Variants in ADGRB3 observed in about 807,000 individuals in gnomAD.
ADGRB3 encodes brain-specific angiogenesis inhibitor 3.
ADGRB3 carries 37 observed loss-of-function variants against 193.4 expected under a neutral mutation model. That is an observed-to-expected ratio of 0.19 (90% CI 0.15 to 0.25). The LOEUF is 0.25. Ranked by LOEUF, ADGRB3 falls within the 10% of genes least tolerant of loss-of-function variation. ADGRB3 has a pLI of 1.00. For synonymous variants in ADGRB3, 690 were observed against 644.2 expected (o/e 1.07, Z -1.08); for missense variants, 1,637 against 1,852.9 (o/e 0.88, Z 2.14).
chr6:68,956,291 T>TA (rs2150256620), intron 7 of ADGRB3, 103 bp downstream of exon 7: 1 of 712,334 alleles, frequency 1.4e-6, no homozygotes, highest in Non-Finnish European at 2.1e-6. Flanking sequence ...AAGATAATCA[T>TA]TATATATATA....
intron 6 of ADGRB3, among the ~76,000 whole-genome samples, chr6:68,949,867 T>G (rs757019769): frequency 3.9e-5 from 6 of 152,096 alleles, no homozygotes; most frequent in Non-Finnish European, 8.8e-5. Context: ...ATTTAATATT[T>G]TTTTCTCATT....
chr6:68,869,014 T>C (rs1055733287), intron 3 of ADGRB3, among the ~76,000 whole-genome samples: 1 of 151,914 alleles, frequency 6.6e-6, no homozygotes, highest in African/African-American at 2.4e-5. Flanking sequence ...TTGTTGATGC[T>C]CCCTCAAAGC....
At chr6:69,294,987 C>T (rs560051981) in intron 20 of ADGRB3, among the ~76,000 whole-genome samples, 30 of 152,178 alleles carry the variant, frequency 2.0e-4, no homozygotes, top group African/African-American at 5.3e-4. Context: ...TATTTGGTGA[C>T]GTTCTGTCAT....
rs561754088 is a variant in ADGRB3, at chr6:68,636,010, G to C, written c.-188+10G>C. 1 of 152,756 alleles carries C rather than the reference G, an allele frequency of 6.5e-6. No individual in the cohort carries two copies. The highest frequency in any genetic ancestry group is 2.1e-4 in the South Asian group (1 of 4,804). 9.5% of individuals were successfully genotyped at this position (152,756 alleles called of 1,614,324 possible). A position where few individuals can be genotyped will look rare whatever the true frequency, so the allele number is the denominator to read the frequency against. On this transcript the variant is annotated intron_variant, in intron 1 of 31. Coordinates refer to ENST00000370598, the MANE Select transcript of ADGRB3 (RefSeq NM_001704.3). ...GCTTTCGGAGTGGAAGGTAAGGAAG[G>C]GGGTCCAGGGGTCACCTTTTCTCTG...
intron 11 of ADGRB3, among the ~76,000 whole-genome samples, chr6:69,008,266 C>G (rs12213405): frequency 3.3e-5 from 5 of 151,906 alleles, no homozygotes; most frequent in Non-Finnish European, 5.9e-5. Context: ...AAGTAACCCT[C>G]ATATGTCTTG....
chr6:68,968,030 G>T (rs1768435380), intron 8 of ADGRB3, among the ~76,000 whole-genome samples: 1 of 152,126 alleles, frequency 6.6e-6, no homozygotes, highest in African/African-American at 2.4e-5. Context: ...GAGCAAGGAA[G>T]AGGAGAGGTA....
chr6:69,107,668 A>G (rs901562621), intron 17 of ADGRB3, among the ~76,000 whole-genome samples: 4 of 152,216 alleles, frequency 2.6e-5, no homozygotes. Flanking sequence ...TGGATTGGAT[A>G]AAGAAAATGT....
chr6:69,115,015 A>G (rs1773488949), intron 17 of ADGRB3, among the ~76,000 whole-genome samples: 1 of 152,210 alleles, frequency 6.6e-6, no homozygotes, highest in Non-Finnish European at 1.5e-5. Context: ...AATTCGTTCA[A>G]CCATTGTGGA....
chr6:68,772,877 AC>A (rs1329783518), intron 3 of ADGRB3, among the ~76,000 whole-genome samples: 74 of 27,696 alleles, frequency 2.7e-3, no homozygotes, highest in Middle Eastern at 0.017. Context: ...AAACAAACAA[AC>A]AAACAAAAAA....
chr6:68,794,511 G>A (rs2127367991), intron 3 of ADGRB3, among the ~76,000 whole-genome samples: 1 of 151,988 alleles, frequency 6.6e-6, no homozygotes, highest in East Asian at 1.9e-4. Flanking sequence ...AACATATTGA[G>A]CTTATATTAT....
At chr6:68,661,716 G>A (rs1413217971) in intron 3 of ADGRB3, among the ~76,000 whole-genome samples, 3 of 150,442 alleles carry the variant, frequency 2.0e-5, no homozygotes, top group Non-Finnish European at 3.0e-5. Flanking sequence ...GGTAGTGGGG[G>A]AACTTCAGAA....
rs117904286 is a variant in ADGRB3, at chr6:68,725,147, A to G, written c.757+85715A>G. On this transcript the variant is annotated intron_variant, in intron 3 of 31. Coordinates refer to ENST00000370598, the MANE Select transcript of ADGRB3 (RefSeq NM_001704.3). ...ATTTTGTAGCGTGAGCATGCATCACATGTTTCTTAAAGAATAAACCTGTGC... is the reference window on the plus strand; with the variant it reads ...ATTTTGTAGCGTGAGCATGCATCACGTGTTTCTTAAAGAATAAACCTGTGC... Among the ~76,000 whole-genome samples the G allele has an allele frequency of 1.5e-3, 225 of 151,764 alleles. 1 individual carries two copies. Among genetic ancestry groups the G allele is most frequent in the South Asian group, 3.9e-3 (19 of 4,832 alleles).
chr6:68,712,278 A>G (rs573642783), intron 3 of ADGRB3, among the ~76,000 whole-genome samples: 9 of 152,126 alleles, frequency 5.9e-5, no homozygotes, highest in African/African-American at 1.7e-4. Context: ...GGTGACTGAA[A>G]AAAAGGCAAA....
At chr6:69,167,963 G>A (rs944331449) in intron 17 of ADGRB3, among the ~76,000 whole-genome samples, 2 of 152,138 alleles carry the variant, frequency 1.3e-5, no homozygotes, top group African/African-American at 4.8e-5. Flanking sequence ...CTAAAAGGAA[G>A]TTTTATTTAC....
chr6:69,023,338 G>A (rs1245664076), intron 13 of ADGRB3, among the ~76,000 whole-genome samples: 2 of 152,084 alleles, frequency 1.3e-5, no homozygotes, highest in East Asian at 1.9e-4. Context: ...TATTCCAGGA[G>A]ATGTTGTTCT....
At chr6:68,725,199 A>G (rs1008362652) in intron 3 of ADGRB3, among the ~76,000 whole-genome samples, 1 of 151,682 alleles carries the variant, frequency 6.6e-6, no homozygotes, top group African/African-American at 2.4e-5. Flanking sequence ...TGGAGGAACA[A>G]TGGGAGCCAG....
At chr6:68,944,646 A>G (rs1363848082) in intron 6 of ADGRB3, among the ~76,000 whole-genome samples, 2 of 152,074 alleles carry the variant, frequency 1.3e-5, no homozygotes, top group Admixed American at 6.6e-5. Flanking sequence ...AATTTCACCC[A>G]TTATGCTAGA....
chr6:69,068,806 C>T (rs926491024), intron 16 of ADGRB3, among the ~76,000 whole-genome samples: 1 of 152,128 alleles, frequency 6.6e-6, no homozygotes, highest in African/African-American at 2.4e-5. Flanking sequence ...CCTTGTATTC[C>T]AATCAAATAG....
intron 22 of ADGRB3, among the ~76,000 whole-genome samples, chr6:69,328,380 T>C (rs1282814659): frequency 6.6e-6 from 1 of 152,086 alleles, no homozygotes; most frequent in Admixed American, 6.6e-5. Context: ...ACTTGGACCG[T>C]GGAAGAAATT....
Sources: allele counts gnomAD v4.1 joint callset (sites outside exome capture counted in the v4.1 genomes callset), GRCh38; gene constraint gnomAD v4.1.1; transcripts MANE v1.5; gene names NCBI Gene and HGNC (gene_info 2026-07-23, HGNC 2026-07-21).